CPEB1: variants seen among roughly 807,000 people sequenced by gnomAD.
The protein encoded by CPEB1 is cytoplasmic polyadenylation element-binding protein 1.
Under a neutral mutation model 65.8 loss-of-function variants are expected in CPEB1, and 7 were observed. The observed-to-expected ratio is 0.11, with a 90% CI of 0.06 to 0.20. The LOEUF (loss-of-function observed/expected upper bound fraction) is 0.20, where lower values mean the gene tolerates loss of function less well. CPEB1 is among the 10% of genes least tolerant of loss of function. The pLI, the probability that CPEB1 is intolerant of heterozygous loss-of-function variation, is 1.00. For synonymous variants in CPEB1, 262 were observed against 260.0 expected (o/e 1.01, Z -0.08); for missense variants, 551 against 712.2 (o/e 0.77, Z 2.58).
intron 3 of CPEB1, among the ~76,000 whole-genome samples, chr15:82,580,627 CTTTT>C (rs1360288347): frequency 6.6e-6 from 1 of 151,938 alleles, no homozygotes; most frequent in East Asian, 1.9e-4. Context: ...ACCTCTAGAG[CTTTT>C]TTTACGCTAA....
chr15:82,632,466 C>A (rs2046342192), intron 1 of CPEB1, among the ~76,000 whole-genome samples: 1 of 151,984 alleles, frequency 6.6e-6, no homozygotes, highest in East Asian at 1.9e-4. Flanking sequence ...GATTTTGGAG[C>A]ATTTCAGATT....
At chr15:82,638,399 A>C (rs954672602) in intron 1 of CPEB1, among the ~76,000 whole-genome samples, 1 of 152,226 alleles carries the variant, frequency 6.6e-6, no homozygotes, top group Non-Finnish European at 1.5e-5. Context: ...TTAATAGTAA[A>C]TAGTACCACC....
At chr15:82,580,662 G>C (rs528410700) in intron 3 of CPEB1, among the ~76,000 whole-genome samples, 12 of 152,128 alleles carry the variant, frequency 7.9e-5, no homozygotes, top group Non-Finnish European at 1.6e-4. Context: ...TGTACCATTA[G>C]ACACTAATTC....
chr15:82,576,023 G>A (rs1365500820), intron 3 of CPEB1, among the ~76,000 whole-genome samples: 1 of 152,198 alleles, frequency 6.6e-6, no homozygotes, highest in Non-Finnish European at 1.5e-5. Flanking sequence ...TAAAACACCT[G>A]TGCAAGAATA....
At chr15:82,642,167 C>T (rs1279716644) in intron 1 of CPEB1, among the ~76,000 whole-genome samples, 1 of 152,180 alleles carries the variant, frequency 6.6e-6, no homozygotes, top group Non-Finnish European at 1.5e-5. Flanking sequence ...AGATGAGACG[C>T]TCTAAAGCAG....
chr15:82,557,134 A>G (rs1268873464), intron 5 of CPEB1, among the ~76,000 whole-genome samples: 2 of 152,114 alleles, frequency 1.3e-5, no homozygotes, highest in South Asian at 2.1e-4. Context: ...TCCCCTACCT[A>G]TTCTAATTCA....
intron 3 of CPEB1, among the ~76,000 whole-genome samples, chr15:82,601,197 C>T (rs555195252): frequency 1.3e-5 from 2 of 149,568 alleles, no homozygotes; most frequent in Admixed American, 6.7e-5. Flanking sequence ...CATGAGTCAC[C>T]GTGCTTGGGG....
chr15:82,576,210 T>G (rs2040630364), intron 3 of CPEB1, among the ~76,000 whole-genome samples: 1 of 152,216 alleles, frequency 6.6e-6, no homozygotes. Context: ...GTTACATATG[T>G]ATATAATTCC....
At chr15:82,554,704 C>T (rs2036886966) in intron 6 of CPEB1, among the ~76,000 whole-genome samples, 1 of 152,224 alleles carries the variant, frequency 6.6e-6, no homozygotes, top group South Asian at 2.1e-4. Context: ...CCATTTATTT[C>T]ACCCTCCTCT....
chr15:82,565,400 T>C (rs2038957904), intron 4 of CPEB1, among the ~76,000 whole-genome samples: 1 of 152,130 alleles, frequency 6.6e-6, no homozygotes, highest in Non-Finnish European at 1.5e-5. Flanking sequence ...CTATGTAAGG[T>C]TGCTGAGTAC....
chr15:82,564,055 G>A (rs1393665928), intron 4 of CPEB1, among the ~76,000 whole-genome samples: 1 of 152,092 alleles, frequency 6.6e-6, no homozygotes, highest in Non-Finnish European at 1.5e-5. Flanking sequence ...GATATTTGCA[G>A]GCCCACATGT....
rs760566162 is a variant in CPEB1, at chr15:82,549,444, G to C, written c.1480+16C>G. 6 of 1,614,008 alleles carry C rather than the reference G, an allele frequency of 3.7e-6. No individual in the cohort carries two copies. Among genetic ancestry groups the C allele is most frequent in the South Asian group, 2.2e-5 (2 of 91,084 alleles). On this transcript the variant is annotated intron_variant, in intron 10 of 12. Coordinates refer to ENST00000684509, the MANE Select transcript of CPEB1 (RefSeq NM_001365242.1). ...GGGGCCAACCAAGCTTTCGCACACAGAAGTGGGACACTTACCAATGGGATA... is the reference window on the plus strand; with the variant it reads ...GGGGCCAACCAAGCTTTCGCACACACAAGTGGGACACTTACCAATGGGATA...
Position 82,628,468 on chromosome 15 carries a change from T to C in CPEB1, c.-9A>G. Reference sequence around the variant, plus strand: ...GCAATGCCAGAAAACATATTGACATTAGATGATCTGGCAAAAGGGTTCCGA... The same window carrying C: ...GCAATGCCAGAAAACATATTGACATCAGATGATCTGGCAAAAGGGTTCCGA... On this transcript the variant is annotated 5_prime_UTR_variant, in exon 2 of 13. Transcript: ENST00000684509. 1 of 702,894 alleles carries C rather than the reference T, an allele frequency of 1.4e-6. No homozygotes were observed. The highest frequency in any genetic ancestry group is 1.5e-5 in the South Asian group (1 of 67,554). The allele number at this position is 702,894 out of a possible 1,614,324, so 43.5% of individuals were successfully genotyped here. A position where few individuals can be genotyped will look rare whatever the true frequency, so the allele number is the denominator to read the frequency against.
intron 4 of CPEB1, among the ~76,000 whole-genome samples, chr15:82,559,124 T>C (rs1044445259): frequency 1.3e-5 from 2 of 152,152 alleles, no homozygotes; most frequent in Non-Finnish European, 2.9e-5. Flanking sequence ...CTCCCAGGCC[T>C]CTAAGTCAGT....
intron 5 of CPEB1, 27 bp downstream of exon 5, chr15:82,557,733 C>A (rs200049651): frequency 1.9e-6 from 3 of 1,601,102 alleles, no homozygotes; most frequent in Non-Finnish European, 1.7e-6. Flanking sequence ...CCACCCACAA[C>A]TCCCCTTTCC....
At chr15:82,579,279 A>T (rs1395051935) in intron 3 of CPEB1, among the ~76,000 whole-genome samples, 1 of 152,180 alleles carries the variant, frequency 6.6e-6, no homozygotes, top group African/African-American at 2.4e-5. Context: ...TGGGCAACAC[A>T]GGGAGACCCC....
intron 3 of CPEB1, among the ~76,000 whole-genome samples, chr15:82,578,184 T>G (rs1410386215): frequency 6.6e-6 from 1 of 152,164 alleles, no homozygotes; most frequent in Non-Finnish European, 1.5e-5. Context: ...AAAGCATTAT[T>G]GGTATAGTTA....
intron 4 of CPEB1, among the ~76,000 whole-genome samples, chr15:82,566,627 T>C (rs2039170351): frequency 6.6e-6 from 1 of 152,134 alleles, no homozygotes; most frequent in African/African-American, 2.4e-5. Flanking sequence ...CCAGTCTTGA[T>C]CATCAGGCAA....
chr15:82,582,954 G>A (rs1196374911), intron 3 of CPEB1, among the ~76,000 whole-genome samples: 2 of 151,690 alleles, frequency 1.3e-5, no homozygotes, highest in Non-Finnish European at 2.9e-5. Context: ...TGTTAACCAG[G>A]ATGGTCTTGA....
Sources: allele counts gnomAD v4.1 joint callset (sites outside exome capture counted in the v4.1 genomes callset), GRCh38; gene constraint gnomAD v4.1.1; transcripts MANE v1.5; gene names NCBI Gene and HGNC (gene_info 2026-07-23, HGNC 2026-07-21).